LRRC69: variants seen among roughly 807,000 people sequenced by gnomAD.
LRRC69 encodes the protein leucine rich repeat containing 69, also known as leucine-rich repeat-containing protein 69.
In LRRC69, 42 loss-of-function variants were observed where a neutral mutation model predicts 37.8. The observed-to-expected ratio is 1.11, with a 90% CI of 0.87 to 1.44. The LOEUF (loss-of-function observed/expected upper bound fraction) is 1.44. Ranked by LOEUF, LRRC69 falls within the 40% of genes most tolerant of loss-of-function variation. LRRC69 has a pLI of 0.00. For synonymous variants in LRRC69, 141 were observed against 143.1 expected (o/e 0.99, Z 0.11); for missense variants, 357 against 401.9 (o/e 0.89, Z 0.96).
intron 7 of LRRC69, among the ~76,000 whole-genome samples, chr8:91,203,955 TA>T (rs1036230627): frequency 1.3e-5 from 2 of 150,244 alleles, no homozygotes; most frequent in African/African-American, 4.9e-5. Flanking sequence ...CCGTCTCTAC[TA>T]AAAAAAATAC....
At chr8:91,136,533 A>G (rs1808421943) in intron 5 of LRRC69, among the ~76,000 whole-genome samples, 1 of 151,992 alleles carries the variant, frequency 6.6e-6, no homozygotes, top group Non-Finnish European at 1.5e-5. Context: ...TACCATTTTA[A>G]TCATTTCTAC....
intron 5 of LRRC69, among the ~76,000 whole-genome samples, chr8:91,159,469 A>T (rs187373121): frequency 0.011 from 1,621 of 151,378 alleles, 29 homozygotes; most frequent in African/African-American, 0.037. Flanking sequence ...TGAACTAAAA[A>T]TTTTTTAAAC....
At chr8:91,111,800 G>A (rs1328794796) in intron 1 of LRRC69, among the ~76,000 whole-genome samples, 2 of 151,802 alleles carry the variant, frequency 1.3e-5, no homozygotes, top group Non-Finnish European at 2.9e-5. Flanking sequence ...GTACCTGGGT[G>A]ACGAAATAGT....
intron 5 of LRRC69, among the ~76,000 whole-genome samples, chr8:91,150,801 G>C (rs1372628443): frequency 6.6e-6 from 1 of 151,774 alleles, no homozygotes; most frequent in Non-Finnish European, 1.5e-5. Context: ...ACTTCTTCCT[G>C]GTTTAGTCTT....
At chr8:91,152,682 G>C (rs1284887964) in intron 5 of LRRC69, among the ~76,000 whole-genome samples, 1 of 151,404 alleles carries the variant, frequency 6.6e-6, no homozygotes, top group Non-Finnish European at 1.5e-5. Flanking sequence ...ATGGTAATTT[G>C]ATGGGTATAG....
Position 91,116,539 on chromosome 8 carries a change from CATAT to C in LRRC69, c.184-7943_184-7940del, listed in dbSNP as rs66744420. ...GTGTGTGAGCATATGTGTCTGTATA[CATAT>C]ATATATATATTTGTATCATGTGCAT... On this transcript the variant is annotated intron_variant, in intron 1 of 7. Transcript: ENST00000448384. Among the ~76,000 whole-genome samples the C allele has an allele frequency of 4.0e-5, 6 of 150,630 alleles. No individual in the cohort carries two copies. In the South Asian group the frequency reaches 1.3e-3, roughly 32 times the overall value.
chr8:91,200,019 G>A (rs1404551068), intron 6 of LRRC69, among the ~76,000 whole-genome samples: 2 of 151,934 alleles, frequency 1.3e-5, no homozygotes, highest in Admixed American at 6.6e-5. Context: ...TTGCTTTTTT[G>A]ATGGCACTAT....
chr8:91,191,183 TG>T (rs1226301824), intron 6 of LRRC69, among the ~76,000 whole-genome samples: 5 of 152,132 alleles, frequency 3.3e-5, no homozygotes, highest in African/African-American at 1.2e-4. Flanking sequence ...TTGTAAAGTT[TG>T]ATTTATTTTT....
chr8:91,189,378 T>C, intron 5 of LRRC69, 144 bp from the exon 6 acceptor site: 1 of 605,762 alleles, frequency 1.7e-6, no homozygotes, highest in Non-Finnish European at 2.9e-6. Flanking sequence ...AATTACTTTA[T>C]TTAGGACTTA....
intron 5 of LRRC69, among the ~76,000 whole-genome samples, chr8:91,178,803 C>T (rs1421007512): frequency 6.6e-6 from 1 of 152,144 alleles, no homozygotes; most frequent in Non-Finnish European, 1.5e-5. Flanking sequence ...TAACTGGTGT[C>T]CCTAGGAAGC....
At chr8:91,176,324 T>A (rs1809229310) in intron 5 of LRRC69, among the ~76,000 whole-genome samples, 1 of 151,480 alleles carries the variant, frequency 6.6e-6, no homozygotes, top group Non-Finnish European at 1.5e-5. Flanking sequence ...TTTTTTGTAT[T>A]TTAGTAGAGA....
chr8:91,185,257 G>A (rs1365656320), intron 5 of LRRC69, among the ~76,000 whole-genome samples: 2 of 152,126 alleles, frequency 1.3e-5, no homozygotes, highest in African/African-American at 2.4e-5. Context: ...GGTACAAAAG[G>A]CAGGGCAGGG....
chr8:91,135,776 A>G (rs1282792265), intron 5 of LRRC69, 37 bp downstream of exon 5: 1 of 1,204,408 alleles, frequency 8.3e-7, no homozygotes, highest in Non-Finnish European at 1.1e-6. Flanking sequence ...TTGAAAAATA[A>G]TTTTGTTTAT....
At chr8:91,118,932 G>A (rs1399580777) in intron 1 of LRRC69, among the ~76,000 whole-genome samples, 1 of 152,068 alleles carries the variant, frequency 6.6e-6, no homozygotes, top group African/African-American at 2.4e-5. Context: ...TCTTCTCAGA[G>A]AGTACTTCTC....
intron 7 of LRRC69, among the ~76,000 whole-genome samples, chr8:91,212,974 C>T (rs950582084): frequency 2.6e-5 from 4 of 152,192 alleles, no homozygotes; most frequent in Non-Finnish European, 5.9e-5. Flanking sequence ...TCGGAGAACT[C>T]TCCCTTTTGT....
rs1238846609 is a variant in LRRC69, at chr8:91,157,610, C to T, written c.651+21871C>T. ...ACTGCACCTGATCAGGTGGATAAGGCAGATGAAGACTTTCAGGAATCTAAT... is the reference window on the plus strand; with the variant it reads ...ACTGCACCTGATCAGGTGGATAAGGTAGATGAAGACTTTCAGGAATCTAAT... On this transcript the variant is annotated intron_variant, in intron 5 of 7. Coordinates refer to ENST00000448384, the Ensembl canonical transcript of LRRC69. The T allele has an allele frequency of 4.5e-6, 7 of 1,555,254 alleles. No homozygotes were observed. The African/African-American group carries it at 6.8e-5, about 15-fold the overall frequency.
At chr8:91,173,942 A>AAC (rs11446380) in intron 5 of LRRC69, among the ~76,000 whole-genome samples, 2 of 138,992 alleles carry the variant, frequency 1.4e-5, no homozygotes, top group African/African-American at 5.2e-5. Context: ...TGAAAAAAAA[A>AAC]GAAGAAAAAA....
intron 1 of LRRC69, among the ~76,000 whole-genome samples, chr8:91,114,455 G>GTATA (rs1554588936): frequency 4.6e-5 from 7 of 150,970 alleles, no homozygotes; most frequent in African/African-American, 1.5e-4. Context: ...GTGTGTGTGT[G>GTATA]TATATATATA....
intron 1 of LRRC69, among the ~76,000 whole-genome samples, chr8:91,116,794 C>T (rs1252603734): frequency 1.3e-5 from 2 of 151,950 alleles, no homozygotes; most frequent in African/African-American, 2.4e-5. Flanking sequence ...ATATTTGGCA[C>T]TTAATTTAAA....
Sources: gnomAD v4.1 joint callset for allele counts (sites outside exome capture counted in the v4.1 genomes callset) on GRCh38, gnomAD v4.1.1 for gene constraint, MANE v1.5 for transcripts, NCBI Gene and HGNC (gene_info 2026-07-23, HGNC 2026-07-21) for gene names.